Variants in MTERF2 observed in about 807,000 individuals in gnomAD.
MTERF2 encodes the protein mitochondrial transcription termination factor 2.
A neutral mutation model predicts 29.2 loss-of-function variants in MTERF2; 23 were observed. That is an observed-to-expected ratio of 0.79 (90% confidence interval 0.57 to 1.12). The LOEUF is 1.12. Among genes scored for constraint, MTERF2 ranks in the 50% most tolerant of loss-of-function variants. MTERF2 has a pLI of 0.00. For missense variants in MTERF2, 440 were observed against 429.4 expected (o/e 1.02, Z -0.22); for synonymous variants, 157 against 159.5 (o/e 0.98, Z 0.12).
At chr12:106,979,097 A>G (rs1262466801) in intron 2 of MTERF2, among the ~76,000 whole-genome samples, 2 of 152,176 alleles carry the variant, frequency 1.3e-5, no homozygotes, top group Non-Finnish European at 2.9e-5. Context: ...TTGTAAATAC[A>G]CTGTTGAGTT....
Position 106,977,754 on chromosome 12 carries a change from T to A in MTERF2, c.961A>T (p.Met321Leu). 1 of 1,614,016 alleles carries A rather than the reference T, an allele frequency of 6.2e-7. No individual in the cohort carries two copies. The highest frequency in any genetic ancestry group is 8.5e-7 in the Non-Finnish European group (1 of 1,179,986). Residue 321 changes from methionine (M) to leucine (L), a missense_variant, in exon 3 of 3, where the codon ATG becomes TTG. Coordinates refer to ENST00000240050, the MANE Select transcript of MTERF2 (RefSeq NM_001033050.3). ...ISIAQIRETP[M>L]VLELTPQIVQ... ...ATCTGTGGTGTTAATTCAAGAACCA[T>A]TGGCGTCTCTCTTATCTGAGCTATG...
At chr12:106,982,286 C>A (rs1952061302) in intron 2 of MTERF2, among the ~76,000 whole-genome samples, 1 of 152,196 alleles carries the variant, frequency 6.6e-6, no homozygotes, top group African/African-American at 2.4e-5. Context: ...ACACATGGTA[C>A]TGAGGTTCTG....
rs769778221 is a variant in MTERF2 at position 106,977,300 on chromosome 12, A to G, written c.*257T>C. 8.9e-5 allele frequency: 28 copies of G among 313,666 alleles called. No homozygotes were observed. The highest frequency in any genetic ancestry group is 4.3e-5 in the African/African-American group (2 of 46,060). 19.4% of individuals were successfully genotyped at this position (313,666 alleles called of 1,614,324 possible). A position where few individuals can be genotyped will look rare whatever the true frequency, so the allele number is the denominator to read the frequency against. ...GATTCACTTATAAAGTATCACACTG[A>G]TATGCCATTTAATAGTATATGAGTT... On this transcript the variant is annotated 3_prime_UTR_variant, in exon 3 of 3. Coordinates refer to ENST00000240050, the MANE Select transcript of MTERF2 (RefSeq NM_001033050.3).
At chr12:106,981,234 A>G (rs779050557) in intron 2 of MTERF2, among the ~76,000 whole-genome samples, 5 of 152,232 alleles carry the variant, frequency 3.3e-5, no homozygotes, top group Non-Finnish European at 7.3e-5. Flanking sequence ...CCCTTGGGTA[A>G]GTTAGCCTCA....
At chr12:106,981,851 C>T (rs1952056514) in intron 2 of MTERF2, among the ~76,000 whole-genome samples, 1 of 152,104 alleles carries the variant, frequency 6.6e-6, no homozygotes, top group Non-Finnish European at 1.5e-5. Context: ...CTTCTGTTTC[C>T]CAAAATAACT....
chr12:106,978,475 A>G lies in MTERF2; in HGVS notation c.240T>C (p.Ile80=). The G allele has an allele frequency of 6.2e-7, 1 of 1,614,194 alleles. No individual in the cohort carries two copies. Among genetic ancestry groups the G allele is most frequent in the East Asian group, 2.2e-5 (1 of 44,890 alleles). ...LLEDETYVEE[I]ANILQELGAD... ...CACCTAGTTCTTGTAAAATATTCGC[A>G]ATTTCTTCAACATAGGTTTCATCCT... Residue 80 remains isoleucine, a synonymous_variant, in exon 3 of 3, where the codon ATT becomes ATC. Transcript: ENST00000240050.
intron 2 of MTERF2, among the ~76,000 whole-genome samples, chr12:106,982,232 C>G (rs1952060568): frequency 1.3e-5 from 2 of 152,144 alleles, no homozygotes; most frequent in Admixed American, 1.3e-4. Context: ...GCTGGACTTG[C>G]TGAAAGATAG....
At chr12:106,986,193 G>A (rs1264046149) in intron 1 of MTERF2, 1 of 152,190 alleles carries the variant, frequency 6.6e-6, no homozygotes, top group African/African-American at 2.4e-5. Flanking sequence ...AACTGGGTTA[G>A]CAGAGCCAGA....
rs1952001956 is a variant in MTERF2, at chr12:106,977,791, T to C, written c.924A>G (p.Arg308=). 2 of 1,613,998 alleles carry C rather than the reference T, an allele frequency of 1.2e-6. No homozygotes were observed. Among genetic ancestry groups the C allele is most frequent in the African/African-American group, 2.7e-5 (2 of 75,054 alleles). The change falls in exon 3 of 3, where the codon AGA becomes AGG. Residue 308 remains arginine, a synonymous_variant. Transcript: ENST00000240050. ...TTATCTGAGCTATGGAAATTCCTTC[T>C]CTCAATAATCCTTGCATTCTCTCTT... is the stretch of plus-strand genomic sequence containing the variant. ...VLEERMQGLL[R]EGISIAQIRE...
intron 2 of MTERF2, among the ~76,000 whole-genome samples, chr12:106,983,617 C>T (rs578224590): frequency 2.7e-4 from 41 of 152,142 alleles, no homozygotes; most frequent in Non-Finnish European, 3.1e-4. Flanking sequence ...AACTTTAAAA[C>T]TTAGCTCCTT....
intron 1 of MTERF2, chr12:106,985,865 T>TTGG: frequency 6.6e-6 from 1 of 152,366 alleles, no homozygotes; most frequent in Admixed American, 6.5e-5. Context: ...ACAGATCTGC[T>TTGG]AAAACAACAC....
chr12:106,980,468 T>C (rs555568038), intron 2 of MTERF2, among the ~76,000 whole-genome samples: 25 of 152,242 alleles, frequency 1.6e-4, no homozygotes, highest in Non-Finnish European at 3.2e-4. Context: ...GGGAATTTTA[T>C]CTGCTTTTAA....
intron 2 of MTERF2, among the ~76,000 whole-genome samples, chr12:106,983,467 C>T (rs1365950915): frequency 2.0e-5 from 3 of 152,166 alleles, no homozygotes; most frequent in Admixed American, 2.0e-4. Context: ...GTTCATATTA[C>T]AGTATCTGTT....
intron 1 of MTERF2, chr12:106,985,769 C>G (rs1015506293): frequency 5.3e-5 from 8 of 152,268 alleles, no homozygotes; most frequent in African/African-American, 1.9e-4. Context: ...ACTTATTATG[C>G]TCTTACAAGT....
chr12:106,979,568 C>T (rs1952030622), intron 2 of MTERF2, among the ~76,000 whole-genome samples: 1 of 152,112 alleles, frequency 6.6e-6, no homozygotes, highest in Non-Finnish European at 1.5e-5. Flanking sequence ...GGTGAAACCC[C>T]ATCTCTACTA....
chr12:106,978,788 A>T lies in MTERF2; in HGVS notation c.-57-17T>A. 8 of 1,403,178 alleles carry T rather than the reference A, an allele frequency of 5.7e-6. No individual in the cohort carries two copies. Among genetic ancestry groups the T allele is most frequent in the Non-Finnish European group, 7.6e-6 (8 of 1,046,064 alleles). 86.9% of individuals were successfully genotyped at this position (1,403,178 alleles called of 1,614,324 possible). On this transcript the variant is annotated splice_polypyrimidine_tract_variant and intron_variant, in intron 2 of 2. Transcript: ENST00000240050. ...TCATTCTATCTGAAAAAAAGAAAAT[A>T]AAGGTTTTTAGTATAAGGGTGTTGA...
chr12:106,985,471 C>T (rs914248518), intron 1 of MTERF2: 4 of 152,304 alleles, frequency 2.6e-5, no homozygotes, highest in African/African-American at 9.6e-5. Context: ...GTCACTTTCT[C>T]AAGGAAACTT....
At chr12:106,980,097 C>T (rs572720033) in intron 2 of MTERF2, among the ~76,000 whole-genome samples, 1 of 152,154 alleles carries the variant, frequency 6.6e-6, no homozygotes, top group African/African-American at 2.4e-5. Flanking sequence ...GAGGTTTCAC[C>T]ATGTTGGCCA....
intron 1 of MTERF2, chr12:106,985,835 G>C (rs1352040931): frequency 6.6e-6 from 1 of 152,206 alleles, no homozygotes; most frequent in Admixed American, 6.5e-5. Context: ...AGTTCAAGCT[G>C]TGTATCAGGC....
Sources: gnomAD v4.1 joint callset for allele counts (sites outside exome capture counted in the v4.1 genomes callset) on GRCh38, gnomAD v4.1.1 for gene constraint, MANE v1.5 for transcripts, NCBI Gene and HGNC (gene_info 2026-07-23, HGNC 2026-07-21) for gene names.